Variants in TRDN observed in about 807,000 individuals in gnomAD.
The protein encoded by TRDN is triadin, also known as triadin in skeletal muscle.
TRDN carries 161 observed loss-of-function variants against 149.7 expected under a neutral mutation model. The ratio of observed to expected loss-of-function variants is 1.08; its 90% CI spans 0.95 to 1.23. The LOEUF (loss-of-function observed/expected upper bound fraction) is 1.23, where lower values mean the gene tolerates loss of function less well. TRDN is among the 50% of genes most tolerant of loss of function. The pLI is 0.00. For synonymous variants in TRDN, 294 were observed against 250.5 expected (o/e 1.17, Z -1.64); for missense variants, 896 against 823.5 (o/e 1.09, Z -1.08).
intron 38 of TRDN, among the ~76,000 whole-genome samples, chr6:123,238,943 C>T (rs1775887711): frequency 6.6e-6 from 1 of 152,096 alleles, no homozygotes; most frequent in Non-Finnish European, 1.5e-5. Flanking sequence ...TGGGTTCAAG[C>T]GATTCTCCTG....
At position 123,224,093 on chromosome 6, in the gene TRDN, C is replaced by A; in HGVS notation, c.2014G>T (p.Glu672Ter). ...EDVPASKKAK[E>*]GTEDVSPTKQ... ...AATGATCCAAAGACAGCAAACTCAC[C>A]TTTAGCTTTCTTTGAAGCTGGTACA... Residue 672 changes from glutamate to a stop codon, truncating the protein, a stop_gained and splice_region_variant, in exon 39 of 41, where the codon GAA becomes TAA. Coordinates refer to ENST00000334268, the MANE Select transcript of TRDN (RefSeq NM_006073.4). LOFTEE classifies it high-confidence loss of function. 6.2e-7 allele frequency: 1 copy of A among 1,609,932 alleles called. No individual in the cohort carries two copies. Among genetic ancestry groups the A allele is most frequent in the Non-Finnish European group, 8.5e-7 (1 of 1,177,712 alleles).
At chr6:123,580,832 G>A (rs2114577084) in intron 1 of TRDN, among the ~76,000 whole-genome samples, 1 of 152,262 alleles carries the variant, frequency 6.6e-6, no homozygotes, top group Admixed American at 6.5e-5. Context: ...GTGTTTCCAA[G>A]TGGTCCATCC....
In TRDN at chr6:123,571,080, G is replaced by A; in HGVS notation, c.75C>T (p.Pro25=). Residue 25 remains proline, a synonymous_variant, in exon 2 of 41, where the codon CCC becomes CCT. Transcript: ENST00000334268. ...TVIDSKNGSV[P]KSPGKVLKRT... is the part of the protein sequence containing the mutation. ...TCTTCAGCACTTTTCCGGGGGATTTGGGCACAGATCCATTTTTGCTGTCTA... is the reference window on the plus strand; with the variant it reads ...TCTTCAGCACTTTTCCGGGGGATTTAGGCACAGATCCATTTTTGCTGTCTA... The A allele has an allele frequency of 1.2e-6, 2 of 1,613,902 alleles. No individual in the cohort carries two copies. The highest frequency in any genetic ancestry group is 2.2e-5 in the South Asian group (2 of 91,078).
chr6:123,610,504 G>A (rs1784749933), intron 1 of TRDN, among the ~76,000 whole-genome samples: 2 of 152,090 alleles, frequency 1.3e-5, no homozygotes, highest in South Asian at 4.1e-4. Context: ...GGGTACAAAA[G>A]GTAAGCAATT....
intron 2 of TRDN, among the ~76,000 whole-genome samples, chr6:123,553,488 C>T (rs115013811): frequency 0.017 from 2,530 of 152,202 alleles, 32 homozygotes; most frequent in Admixed American, 0.023. Flanking sequence ...CTGCACCAGA[C>T]GACACTTACT....
intron 2 of TRDN, among the ~76,000 whole-genome samples, chr6:123,559,014 C>T (rs2114487894): frequency 6.6e-6 from 1 of 152,152 alleles, no homozygotes; most frequent in Non-Finnish European, 1.5e-5. Flanking sequence ...AAATCGGACT[C>T]ACCCGGCAGC....
At chr6:123,469,331 G>C (rs1223793908) in intron 9 of TRDN, among the ~76,000 whole-genome samples, 1 of 152,114 alleles carries the variant, frequency 6.6e-6, no homozygotes, top group African/African-American at 2.4e-5. Context: ...CTTCTGTCTT[G>C]TACTTTTGGA....
rs183602491 is a variant in TRDN at position 123,304,712 on chromosome 6, G to A, written c.1510+11745C>T. Among the ~76,000 whole-genome samples the A allele has an allele frequency of 3.0e-3, 455 of 152,136 alleles. 2 individuals are homozygous for A. The highest frequency in any genetic ancestry group is 0.01 in the African/African-American group (423 of 41,516). On this transcript the variant is annotated intron_variant, in intron 24 of 40. Transcript: ENST00000334268. ...TGCACAGCATTAAACACAGGTTTCT[G>A]ATAATTTTAAATCAATGGACCAAAT...
intron 12 of TRDN, among the ~76,000 whole-genome samples, chr6:123,405,732 AT>A (rs926822079): frequency 6.6e-6 from 1 of 152,176 alleles, no homozygotes; most frequent in Non-Finnish European, 1.5e-5. Flanking sequence ...AGTCAATTTA[AT>A]TTAAAAAACA....
chr6:123,535,290 C>T (rs1470818827), intron 4 of TRDN, among the ~76,000 whole-genome samples: 1 of 152,058 alleles, frequency 6.6e-6, no homozygotes, highest in African/African-American at 2.4e-5. Context: ...ACTAAAGTTG[C>T]CGGTGTCAGT....
At chr6:123,450,390 A>G (rs963353788) in intron 10 of TRDN, among the ~76,000 whole-genome samples, 37 of 152,152 alleles carry the variant, frequency 2.4e-4, no homozygotes, top group African/African-American at 8.7e-4. Context: ...GGGGTAGAAA[A>G]AGGCATTTCA....
intron 2 of TRDN, among the ~76,000 whole-genome samples, chr6:123,569,739 TAAAC>T (rs1037951381): frequency 3.3e-5 from 5 of 151,952 alleles, no homozygotes; most frequent in Admixed American, 6.6e-5. Context: ...GCCACACACT[TAAAC>T]AACCAGATCT....
chr6:123,236,471 ATT>A (rs1278488696), intron 38 of TRDN, among the ~76,000 whole-genome samples: 1 of 152,006 alleles, frequency 6.6e-6, no homozygotes, highest in African/African-American at 2.4e-5. Flanking sequence ...ACAATTTATT[ATT>A]TTTTCTTTTA....
At chr6:123,487,924 T>C (rs992304744) in intron 9 of TRDN, among the ~76,000 whole-genome samples, 5 of 152,134 alleles carry the variant, frequency 3.3e-5, no homozygotes, top group African/African-American at 1.2e-4. Context: ...TCTTAAAACA[T>C]TTAGAGTTCG....
At chr6:123,302,281 G>A (rs1449554228) in intron 24 of TRDN, among the ~76,000 whole-genome samples, 1 of 152,008 alleles carries the variant, frequency 6.6e-6, no homozygotes, top group African/African-American at 2.4e-5. Flanking sequence ...CACCCATTAT[G>A]TAAAATTTTT....
chr6:123,507,292 G>A (rs955397257), intron 7 of TRDN, among the ~76,000 whole-genome samples: 82 of 152,102 alleles, frequency 5.4e-4, no homozygotes, highest in African/African-American at 1.9e-3. Flanking sequence ...CTATAGATGT[G>A]TGAAATTCAG....
chr6:123,414,061 A>G (rs1173414368), intron 12 of TRDN, among the ~76,000 whole-genome samples: 1 of 152,146 alleles, frequency 6.6e-6, no homozygotes, highest in African/African-American at 2.4e-5. Flanking sequence ...CTACACATGC[A>G]TCAAGCCTGC....
chr6:123,277,097 G>A (rs772696621), intron 26 of TRDN, among the ~76,000 whole-genome samples: 16 of 152,190 alleles, frequency 1.1e-4, no homozygotes, highest in East Asian at 1.9e-4. Flanking sequence ...CATCCTATAC[G>A]TATCTCATCA....
At chr6:123,448,860 G>C (rs4490683) in intron 10 of TRDN, among the ~76,000 whole-genome samples, 1 of 151,856 alleles carries the variant, frequency 6.6e-6, no homozygotes, top group Non-Finnish European at 1.5e-5. Context: ...ACTGGTATTC[G>C]TGGCTGAGAG....
Sources: gnomAD v4.1 joint callset for allele counts (sites outside exome capture counted in the v4.1 genomes callset) on GRCh38, gnomAD v4.1.1 for gene constraint, MANE v1.5 for transcripts, NCBI Gene and HGNC (gene_info 2026-07-23, HGNC 2026-07-21) for gene names.